The following HMGXB4 variants were observed in gnomAD, a reference collection of about 807,000 sequenced individuals.
HMGXB4 encodes the protein HMG-box containing 4, also known as HMG domain-containing protein 4.
A neutral mutation model predicts 63.9 loss-of-function variants in HMGXB4; 27 were observed. That is an observed-to-expected ratio of 0.42 (90% CI 0.31 to 0.58). HMGXB4 has a LOEUF of 0.58. Ranked by LOEUF, HMGXB4 falls within the 20% of genes least tolerant of loss-of-function variation. The pLI is 0.13. For synonymous variants in HMGXB4, 264 were observed against 265.3 expected (o/e 0.99, Z 0.05); for missense variants, 624 against 700.7 (o/e 0.89, Z 1.24).
upstream of HMGXB4, among the ~76,000 whole-genome samples, chr22:35,255,819 T>C (rs1922373109): frequency 6.6e-6 from 1 of 152,168 alleles, no homozygotes; most frequent in African/African-American, 2.4e-5. Flanking sequence ...AAAAAGGAAA[T>C]ACATCATTAG....
intron 5 of HMGXB4, among the ~76,000 whole-genome samples, chr22:35,272,330 A>T (rs1394309513): frequency 6.6e-6 from 1 of 151,046 alleles, no homozygotes; most frequent in East Asian, 2.0e-4. Flanking sequence ...TGAACGCAGC[A>T]GCGGTGGGCT....
chr22:35,267,249 G>A (rs1048814803), intron 5 of HMGXB4, among the ~76,000 whole-genome samples: 36 of 151,462 alleles, frequency 2.4e-4, no homozygotes, highest in Non-Finnish European at 4.3e-4. Flanking sequence ...AGGAATCAGT[G>A]TGAACATAAA....
chr22:35,262,492 G>T, intron 2 of HMGXB4, 71 bp downstream of exon 2: 3 of 1,465,806 alleles, frequency 2.0e-6, no homozygotes, highest in South Asian at 1.1e-5. Context: ...CATGGATATA[G>T]AGACCAGGAC....
intron 5 of HMGXB4, among the ~76,000 whole-genome samples, chr22:35,283,208 A>G (rs1924369778): frequency 6.6e-6 from 1 of 152,266 alleles, no homozygotes; most frequent in Admixed American, 6.5e-5. Context: ...GGAAATTACA[A>G]GATTAGAAAT....
At chr22:35,248,687 G>A in the HMGXB4 span, among the ~76,000 whole-genome samples, 5 of 152,150 alleles carry the variant, frequency 3.3e-5, no homozygotes, top group South Asian at 4.1e-4. Flanking sequence ...TTACAGGCAC[G>A]GGCCACTACA....
intron 6 of HMGXB4, among the ~76,000 whole-genome samples, chr22:35,285,585 G>A (rs1924522904): frequency 6.6e-6 from 1 of 152,110 alleles, no homozygotes; most frequent in African/African-American, 2.4e-5. Context: ...AAATTAGCTA[G>A]GCATGGTAGC....
At chr22:35,244,883 A>C in the HMGXB4 span, among the ~76,000 whole-genome samples, 307 of 152,300 alleles carry the variant, frequency 2.0e-3, no homozygotes, top group Middle Eastern at 3.4e-3. Flanking sequence ...CCCTTTCTAT[A>C]AAAAGTATAA....
intron 1 of HMGXB4, among the ~76,000 whole-genome samples, chr22:35,260,118 T>A (rs1170638553): frequency 6.6e-6 from 1 of 152,276 alleles, no homozygotes. Context: ...GAAGGCCTGT[T>A]ATAAGTCTCA....
rs1005071135 is a variant in HMGXB4 at position 35,265,303 on chromosome 22, G to C, written c.915G>C (p.Gly305=). Residue 305 remains glycine, a synonymous_variant, in exon 5 of 11, where the codon GGG becomes GGC. Transcript: ENST00000216106. ...CCTCTGGTGGGGAACTAGAGGCTGG[G>C]GAGTTAGTGATAGATGATTCTTACC... ...DSSSGGELEA[G]ELVIDDSYRE... 2.5e-6 allele frequency: 4 copies of C among 1,613,920 alleles called. No homozygotes were observed. The highest frequency in any genetic ancestry group is 2.5e-6 in the Non-Finnish European group (3 of 1,180,002).
At chr22:35,286,702 T>G (rs1190967635) in intron 7 of HMGXB4, among the ~76,000 whole-genome samples, 1 of 151,898 alleles carries the variant, frequency 6.6e-6, no homozygotes, top group South Asian at 2.1e-4. Flanking sequence ...TACAAAAAAT[T>G]AGCCAGGCAT....
chr22:35,259,478 T>G (rs751330852), intron 1 of HMGXB4, among the ~76,000 whole-genome samples: 1 of 152,158 alleles, frequency 6.6e-6, no homozygotes, highest in South Asian at 2.1e-4. Context: ...CACAATCTAC[T>G]CTCTACCCCT....
the HMGXB4 span, among the ~76,000 whole-genome samples, chr22:35,243,813 G>A: frequency 6.6e-6 from 1 of 152,178 alleles, no homozygotes; most frequent in African/African-American, 2.4e-5. Flanking sequence ...CAAAGTGCTG[G>A]CATTACAGGT....
the HMGXB4 span, among the ~76,000 whole-genome samples, chr22:35,251,917 C>A: frequency 6.6e-6 from 1 of 152,070 alleles, no homozygotes; most frequent in Non-Finnish European, 1.5e-5. Flanking sequence ...AAACACTTAA[C>A]ATGGTAGTTT....
At chr22:35,288,209 A>G (rs1924708772) in intron 8 of HMGXB4, 29 bp from the exon 9 acceptor site, 1 of 1,418,226 alleles carries the variant, frequency 7.1e-7, no homozygotes. Context: ...GGCAAGTTTT[A>G]CCTGTCTGCC....
At chr22:35,250,921 C>G in the HMGXB4 span, among the ~76,000 whole-genome samples, 1 of 152,124 alleles carries the variant, frequency 6.6e-6, no homozygotes, top group Non-Finnish European at 1.5e-5. Context: ...TTTCAAACAC[C>G]TGCAGGAAAG....
chr22:35,287,773 A>G (rs1924683068), intron 8 of HMGXB4, among the ~76,000 whole-genome samples: 1 of 151,984 alleles, frequency 6.6e-6, no homozygotes, highest in Non-Finnish European at 1.5e-5. Flanking sequence ...ACATGGAGAA[A>G]CCCCGTCTCT....
chr22:35,285,032 T>A (rs1924480846), intron 6 of HMGXB4, among the ~76,000 whole-genome samples: 1 of 152,230 alleles, frequency 6.6e-6, no homozygotes, highest in Non-Finnish European at 1.5e-5. Flanking sequence ...AGAAATTTGG[T>A]AAAAACCTAA....
At chr22:35,274,456 A>G (rs930048563) in intron 5 of HMGXB4, among the ~76,000 whole-genome samples, 1 of 152,166 alleles carries the variant, frequency 6.6e-6, no homozygotes, top group Admixed American at 6.5e-5. Context: ...GCAAAGCACA[A>G]TCCTAACAGC....
At chr22:35,276,089 G>A (rs1923898145) in intron 5 of HMGXB4, among the ~76,000 whole-genome samples, 1 of 152,128 alleles carries the variant, frequency 6.6e-6, no homozygotes, top group African/African-American at 2.4e-5. Context: ...AGAAAAATGT[G>A]CCATGGAAAA....
Sources: allele counts gnomAD v4.1 joint callset (sites outside exome capture counted in the v4.1 genomes callset), GRCh38; gene constraint gnomAD v4.1.1; transcripts MANE v1.5; gene names NCBI Gene and HGNC (gene_info 2026-07-23, HGNC 2026-07-21).